The following AHRR variants were observed in gnomAD, a reference collection of about 807,000 sequenced individuals.
AHRR encodes aryl hydrocarbon receptor repressor.
Under a neutral mutation model 44.0 loss-of-function variants are expected in AHRR, and 28 were observed. The observed-to-expected ratio is 0.64, with a 90% confidence interval of 0.47 to 0.87. AHRR has a LOEUF of 0.87. AHRR is among the 40% of genes least tolerant of loss of function. AHRR has a pLI of 0.00. For missense variants in AHRR, 990 were observed against 953.9 expected (o/e 1.04, Z -0.50); for synonymous variants, 434 against 407.0 (o/e 1.07, Z -0.80).
At position 344,763 on chromosome 5, in the gene AHRR, GT is replaced by G. The variant is rs1553978753; in HGVS notation, c.62+800del. ...TGCGGGGGGAGCTGTGTGTGTGTGG[GT>G]GTGTGTGTGACTGTGCGGGTGTGCG... is the stretch of plus-strand genomic sequence containing the variant. On this transcript the variant is annotated intron_variant, in intron 2 of 10. Transcript: ENST00000684583. Among the ~76,000 whole-genome samples, 3 of 12,738 alleles carry G rather than the reference GT, an allele frequency of 2.4e-4. 1 individual carries two copies. Among genetic ancestry groups the G allele is most frequent in the Non-Finnish European group, 6.7e-4 (3 of 4,498 alleles). The allele number at this position is 12,738 out of a possible 152,430, so 8.4% of individuals were successfully genotyped here.
intron 1 of AHRR, among the ~76,000 whole-genome samples, chr5:328,031 G>A (rs940614163): frequency 5.3e-5 from 8 of 151,914 alleles, no homozygotes; most frequent in East Asian, 1.9e-4. Context: ...GAGAACATGC[G>A]GTGTTTGTTT....
At chr5:400,464 G>A (rs1027648174) in intron 4 of AHRR, among the ~76,000 whole-genome samples, 2 of 151,992 alleles carry the variant, frequency 1.3e-5, no homozygotes, top group African/African-American at 2.4e-5. Context: ...ACATGGATGT[G>A]ATCTTTTTCC....
At chr5:415,374 G>T (rs1160754313) in intron 5 of AHRR, among the ~76,000 whole-genome samples, 1 of 140,920 alleles carries the variant, frequency 7.1e-6, no homozygotes, top group African/African-American at 2.7e-5. Flanking sequence ...TCCCTGGTCG[G>T]GTGGGAGGCC....
chr5:371,752 G>A (rs1172851991), intron 3 of AHRR, among the ~76,000 whole-genome samples: 1 of 152,218 alleles, frequency 6.6e-6, no homozygotes, highest in Non-Finnish European at 1.5e-5. Flanking sequence ...CCCAGGAGCT[G>A]CAGACTGCCA....
rs1737069426 is a variant in AHRR, at chr5:436,404, C to T, written c.*1570C>T. 6.6e-6 allele frequency: 1 copy of T among 152,386 alleles called. No homozygotes were observed. Among genetic ancestry groups the T allele is most frequent in the Non-Finnish European group, 1.5e-5 (1 of 68,056 alleles). 9.4% of individuals were successfully genotyped at this position (152,386 alleles called of 1,614,324 possible). On this transcript the variant is annotated 3_prime_UTR_variant, in exon 11 of 11. Coordinates refer to ENST00000684583, the MANE Select transcript of AHRR (RefSeq NM_001377236.1). ...TGCTGGACCCATTTGTTAAACGCAC[C>T]TTCACTTTGTCAAAACCCAGGTTTG...
intron 4 of AHRR, among the ~76,000 whole-genome samples, chr5:381,362 G>T (rs559473526): frequency 6.6e-6 from 1 of 152,206 alleles, no homozygotes; most frequent in South Asian, 2.1e-4. Context: ...TTCAATCTAT[G>T]TGCCTCATTT....
intron 4 of AHRR, among the ~76,000 whole-genome samples, chr5:394,121 CTGCTGGCTCTGGGTTTCT>C (rs1450864835): frequency 5.3e-5 from 8 of 152,208 alleles, no homozygotes; most frequent in Non-Finnish European, 8.8e-5. Flanking sequence ...TGCAGCCACC[CTGCTGGCTCTGGGTTTCT>C]TGCTGGCTCT....
Position 338,600 on chromosome 5 carries a change from T to G in AHRR, c.-10-5293T>G, listed in dbSNP as rs1399535. 0.66 allele frequency among the ~76,000 whole-genome samples: 100,750 copies of G among 151,630 alleles called. 34,111 individuals are homozygous for G. Among genetic ancestry groups the G allele is most frequent in the African/African-American group, 0.74 (30,378 of 41,282 alleles). ...CTCATACCTGTAATCCCAGCACTCT[T>G]GGAGGCCAAGGTGGGTGAATTGCTT... On this transcript the variant is annotated intron_variant, in intron 1 of 10. Transcript: ENST00000684583. The surrounding 1 kb of genome is among the most constrained non-coding windows in gnomAD (Gnocchi z 4.1).
chr5:359,808 G>A (rs891818149), intron 3 of AHRR, among the ~76,000 whole-genome samples: 2 of 152,188 alleles, frequency 1.3e-5, no homozygotes, highest in Admixed American at 1.3e-4. Context: ...GGCAAGAACA[G>A]AGGCCCCACA....
chr5:340,601 CACATGGAGAGTT>C (rs1742293656), intron 1 of AHRR, among the ~76,000 whole-genome samples: 2 of 141,200 alleles, frequency 1.4e-5, no homozygotes, highest in Non-Finnish European at 3.0e-5. Flanking sequence ...CCAATACAGT[CACATGGAGAGTT>C]AGGGCTCAAC....
intron 1 of AHRR, among the ~76,000 whole-genome samples, chr5:340,391 C>T (rs926282745): frequency 1.3e-5 from 2 of 151,752 alleles, no homozygotes; most frequent in Non-Finnish European, 2.9e-5. Context: ...GCTGGGAAGT[C>T]CAAGATCAAG....
chr5:408,674 T>C (rs972332682), intron 4 of AHRR, among the ~76,000 whole-genome samples: 1 of 152,194 alleles, frequency 6.6e-6, no homozygotes, highest in Admixed American at 6.5e-5. Context: ...CATATCAGAG[T>C]TAAGTGTCAA....
chr5:339,679 G>A (rs1461663383), intron 1 of AHRR, among the ~76,000 whole-genome samples: 2 of 152,170 alleles, frequency 1.3e-5, no homozygotes, highest in East Asian at 3.9e-4. Flanking sequence ...GGCTTTTGTA[G>A]ATGTTCTTTA....
intron 3 of AHRR, among the ~76,000 whole-genome samples, chr5:368,499 C>CTT (rs1177751518): frequency 1.3e-5 from 2 of 152,230 alleles, no homozygotes; most frequent in African/African-American, 2.4e-5. Context: ...CTGTGCTTTT[C>CTT]TTTGATACGT....
intron 5 of AHRR, among the ~76,000 whole-genome samples, chr5:420,712 G>A (rs1736041626): frequency 6.6e-6 from 1 of 152,092 alleles, no homozygotes; most frequent in Admixed American, 6.6e-5. Flanking sequence ...CACCTTGCAT[G>A]GAAGGCGGCC....
In AHRR at chr5:423,848, T is replaced by A. The variant is rs766508607; in HGVS notation, c.579T>A (p.Asp193Glu). ...GGCCCCTATGGTCTGCAGGAGATGA[T>A]GCTATCCTGGGGAGGCTGCTCAGGG... Reference protein sequence around the residue: ...GQPPPLETGDDAILGRLLRAQ... With the variant: ...GQPPPLETGDEAILGRLLRAQ... Residue 193 changes from aspartate to glutamate, a missense_variant, in exon 7 of 11, where the codon GAT becomes GAA. Coordinates refer to ENST00000684583, the MANE Select transcript of AHRR (RefSeq NM_001377236.1). 6.2e-7 allele frequency: 1 copy of A among 1,603,318 alleles called. No individual in the cohort carries two copies. The highest frequency in any genetic ancestry group is 8.5e-7 in the Non-Finnish European group (1 of 1,178,292).
intron 4 of AHRR, among the ~76,000 whole-genome samples, chr5:390,750 T>C (rs1452210077): frequency 1.3e-5 from 2 of 151,820 alleles, no homozygotes; most frequent in African/African-American, 4.8e-5. Context: ...CACACCCTCG[T>C]GGACAAGGAG....
chr5:339,732 G>T (rs963915845), intron 1 of AHRR, among the ~76,000 whole-genome samples: 4 of 151,876 alleles, frequency 2.6e-5, no homozygotes, highest in Non-Finnish European at 5.9e-5. Context: ...TTGATGAGAG[G>T]TTTTTTTGGA....
chr5:389,193 G>T (rs9313058), intron 4 of AHRR, among the ~76,000 whole-genome samples: 7,318 of 144,506 alleles, frequency 0.051, 238 homozygotes, highest in South Asian at 0.064. Context: ...TGGGGGTGTC[G>T]AAGGCGGGGG....
Sources: gnomAD v4.1 joint callset for allele counts (sites outside exome capture counted in the v4.1 genomes callset) on GRCh38, gnomAD v4.1.1 for gene constraint, Gnocchi (gnomAD v3.1) non-coding constraint, MANE v1.5 for transcripts, NCBI Gene and HGNC (gene_info 2026-07-23, HGNC 2026-07-21) for gene names.